The following CMKLR2 variants were observed in gnomAD, a reference collection of about 807,000 sequenced individuals.
CMKLR2 encodes chemerin chemokine-like receptor 2, also known as chemerin-like receptor 2.
CMKLR2 carries 18 observed loss-of-function variants against 23.0 expected under a neutral mutation model. That is an observed-to-expected ratio of 0.78 (90% CI 0.54 to 1.16). The LOEUF (loss-of-function observed/expected upper bound fraction) is 1.16, where lower values mean the gene tolerates loss of function less well. Among genes scored for constraint, CMKLR2 ranks in the 50% most tolerant of loss-of-function variants. The probability of loss-of-function intolerance (pLI) is 0.00; values close to 1 mark genes in which losing one functional copy is unlikely to be tolerated. For synonymous variants in CMKLR2, 158 were observed against 158.9 expected, an observed-to-expected ratio of 0.99 and a Z score of 0.05; for missense variants, 401 against 412.7, an observed-to-expected ratio of 0.97 and a Z score of 0.25.
In CMKLR2 at chr2:206,176,231, C is replaced by T. The variant is rs767379672; in HGVS notation, c.1017G>A (p.Gln339=). 2 of 1,614,140 alleles carry T rather than the reference C, an allele frequency of 1.2e-6. No homozygotes were observed. Among genetic ancestry groups the T allele is most frequent in the East Asian group, 4.5e-5 (2 of 44,888 alleles). ...EVSCSGTVSE[Q]LRNSETKNLC... ...GATTCTTGGTTTCTGAGTTCCTGAG[C>T]TGTTCACTCACTGTGCCAGAACAGC... is the stretch of plus-strand genomic sequence containing the variant. The change falls in exon 2 of 2, where the codon CAG becomes CAA. Residue 339 remains glutamine, a synonymous_variant. Transcript: ENST00000621141.
At chr2:206,203,045 G>A (rs1171717192) in intron 1 of CMKLR2, among the ~76,000 whole-genome samples, 1 of 151,712 alleles carries the variant, frequency 6.6e-6, no homozygotes, top group Non-Finnish European at 1.5e-5. Context: ...GGCCGGGCAC[G>A]GTGGCTCACA....
chr2:206,208,701 A>G (rs572882627), intron 1 of CMKLR2, among the ~76,000 whole-genome samples: 1 of 151,368 alleles, frequency 6.6e-6, no homozygotes, highest in Non-Finnish European at 1.5e-5. Context: ...ATGCAGTGGC[A>G]TGATCACATC....
chr2:206,209,156 G>A (rs1689444507), intron 1 of CMKLR2, among the ~76,000 whole-genome samples: 1 of 151,936 alleles, frequency 6.6e-6, no homozygotes. Flanking sequence ...TGGCCAACAT[G>A]GTGAAACTCC....
intron 1 of CMKLR2, 114 bp from the exon 2 acceptor site, chr2:206,177,389 T>C (rs1187519909): frequency 1.7e-6 from 1 of 602,974 alleles, no homozygotes; most frequent in Admixed American, 3.4e-5. Flanking sequence ...AGACATAGTA[T>C]TATTTTTTCT....
chr2:206,195,465 G>T (rs1688890629), intron 1 of CMKLR2, among the ~76,000 whole-genome samples: 1 of 152,158 alleles, frequency 6.6e-6, no homozygotes, highest in African/African-American at 2.4e-5. Flanking sequence ...CATTGGGTGG[G>T]CACTAAGGGA....
Position 206,181,344 on chromosome 2 carries a change from G to A in CMKLR2, c.-28-4069C>T, listed in dbSNP as rs1453429355. On this transcript the variant is annotated intron_variant, in intron 1 of 1. Coordinates refer to ENST00000621141, the MANE Select transcript of CMKLR2 (RefSeq NM_001389445.1). ...CAAAGTGCTGGGATTACAGGTGTGAGCCACCATGCCTGGCCCTATTATTTT... is the reference window on the plus strand; with the variant it reads ...CAAAGTGCTGGGATTACAGGTGTGAACCACCATGCCTGGCCCTATTATTTT... Among the ~76,000 whole-genome samples, 5 of 151,602 alleles carry A rather than the reference G, an allele frequency of 3.3e-5. No individual in the cohort carries two copies. The East Asian group carries it at 9.7e-4, about 30-fold the overall frequency.
chr2:206,182,702 C>A (rs181755587), intron 1 of CMKLR2, among the ~76,000 whole-genome samples: 1 of 151,798 alleles, frequency 6.6e-6, no homozygotes, highest in South Asian at 2.1e-4. Context: ...GCTCATGCAA[C>A]CTTTGTCCCC....
At position 206,176,588 on chromosome 2, in the gene CMKLR2, T is replaced by C; in HGVS notation, c.660A>G (p.Leu220=). The stretch of plus-strand genomic sequence containing the variant: ...GACACAAGTAGCAAATACTCATTGT[T>C]AGCAAAGGGAAGAGATAGCCAATGA... ...KFIIGYLFPL[L]TMSICYLCLI... The change falls in exon 2 of 2, where the codon CTA becomes CTG. Residue 220 remains leucine, a synonymous_variant. Coordinates refer to ENST00000621141, the MANE Select transcript of CMKLR2 (RefSeq NM_001389445.1). 2.5e-6 allele frequency: 4 copies of C among 1,614,178 alleles called. No homozygotes were observed. The highest frequency in any genetic ancestry group is 2.5e-6 in the Non-Finnish European group (3 of 1,180,038).
At chr2:206,207,853 C>T (rs1336151180) in intron 1 of CMKLR2, among the ~76,000 whole-genome samples, 1 of 149,214 alleles carries the variant, frequency 6.7e-6, no homozygotes, top group Non-Finnish European at 1.5e-5. Flanking sequence ...AGCGATTCTT[C>T]TGCCTCAGTA....
At chr2:206,193,993 T>C (rs1208067234) in intron 1 of CMKLR2, among the ~76,000 whole-genome samples, 1 of 152,212 alleles carries the variant, frequency 6.6e-6, no homozygotes, top group African/African-American at 2.4e-5. Flanking sequence ...TGGTGGTCAA[T>C]GTATTCTTAT....
At position 206,175,924 on chromosome 2, in the gene CMKLR2, T is replaced by C. The variant is rs1464254849; in HGVS notation, c.*256A>G. The C allele has an allele frequency of 2.9e-6, 1 of 345,454 alleles. No individual in the cohort carries two copies. Among genetic ancestry groups the C allele is most frequent in the Non-Finnish European group, 5.2e-6 (1 of 192,560 alleles). 21.4% of individuals were successfully genotyped at this position (345,454 alleles called of 1,614,324 possible). A position where few individuals can be genotyped will look rare whatever the true frequency, so the allele number is the denominator to read the frequency against. ...CAAGAATGATGCATTTCATTTAAGTTGCAGAAAAAAATTATGCGGATCCTT... is the reference window on the plus strand; with the variant it reads ...CAAGAATGATGCATTTCATTTAAGTCGCAGAAAAAAATTATGCGGATCCTT... On this transcript the variant is annotated 3_prime_UTR_variant, in exon 2 of 2. Transcript: ENST00000621141.
At chr2:206,205,516 C>T (rs2105835054) in intron 1 of CMKLR2, among the ~76,000 whole-genome samples, 1 of 151,770 alleles carries the variant, frequency 6.6e-6, no homozygotes, top group South Asian at 2.1e-4. Context: ...GTGCTCACCA[C>T]CACACCCGGC....
At chr2:206,180,026 C>T (rs1688361684) in intron 1 of CMKLR2, among the ~76,000 whole-genome samples, 1 of 152,096 alleles carries the variant, frequency 6.6e-6, no homozygotes. Context: ...CCTAGCCCAG[C>T]AACTTTTTTG....
chr2:206,207,175 G>C (rs1280007165), intron 1 of CMKLR2, among the ~76,000 whole-genome samples: 1 of 144,960 alleles, frequency 6.9e-6, no homozygotes, highest in Admixed American at 7.0e-5. Context: ...TTGAGACAGA[G>C]TCTCTTGCTC....
At chr2:206,193,330 C>T (rs753983897) in intron 1 of CMKLR2, among the ~76,000 whole-genome samples, 6 of 152,196 alleles carry the variant, frequency 3.9e-5, no homozygotes, top group Non-Finnish European at 8.8e-5. Context: ...AAATCCTGAC[C>T]TCAGGTGATC....
intron 1 of CMKLR2, among the ~76,000 whole-genome samples, chr2:206,181,969 AAAAAG>A (rs1171367204): frequency 1.3e-5 from 2 of 151,662 alleles, no homozygotes; most frequent in South Asian, 2.1e-4. Flanking sequence ...AAAAAAAAAA[AAAAAG>A]GAAACCATAA....
chr2:206,190,702 C>T (rs1341298400), intron 1 of CMKLR2, among the ~76,000 whole-genome samples: 1 of 152,134 alleles, frequency 6.6e-6, no homozygotes, highest in South Asian at 2.1e-4. Context: ...TTAAAGGCAG[C>T]GAGATTGGGA....
rs1031221418 is a variant in CMKLR2, at chr2:206,175,460, A to G, written c.*720T>C. On this transcript the variant is annotated 3_prime_UTR_variant, in exon 2 of 2. Coordinates refer to ENST00000621141, the MANE Select transcript of CMKLR2 (RefSeq NM_001389445.1). ...AATGAATTTAAGAATACATTTTAAC[A>G]TTTTTAAAATTAGTTAATCATATAT... The G allele has an allele frequency of 1.1e-4, 16 of 152,210 alleles. No individual in the cohort carries two copies. Among genetic ancestry groups the G allele is most frequent in the African/African-American group, 3.9e-4 (16 of 41,444 alleles). The allele number at this position is 152,210 out of a possible 1,614,324, so 9.4% of individuals were successfully genotyped here. A position where few individuals can be genotyped will look rare whatever the true frequency, so the allele number is the denominator to read the frequency against.
upstream of CMKLR2, among the ~76,000 whole-genome samples, chr2:206,216,307 A>T (rs184184153): frequency 6.6e-6 from 1 of 152,298 alleles, no homozygotes; most frequent in East Asian, 1.9e-4. Context: ...TACAAAAATT[A>T]GCCAGAAGTG....
Sources: gnomAD v4.1 joint callset for allele counts (sites outside exome capture counted in the v4.1 genomes callset) on GRCh38, gnomAD v4.1.1 for gene constraint, MANE v1.5 for transcripts, NCBI Gene and HGNC (gene_info 2026-07-23, HGNC 2026-07-21) for gene names.